The following GATA4 variants were observed in gnomAD, a reference collection of about 807,000 sequenced individuals.
GATA4 encodes the protein GATA binding protein 4.
Under a neutral mutation model 37.9 loss-of-function variants are expected in GATA4, and 7 were observed. That is an observed-to-expected ratio of 0.18 (90% CI 0.11 to 0.35). The LOEUF (loss-of-function observed/expected upper bound fraction) is 0.35. GATA4 is among the 10% of genes least tolerant of loss of function. The pLI is 1.00. For missense variants in GATA4, 647 were observed against 653.0 expected (o/e 0.99, Z 0.10); for synonymous variants, 372 against 292.6 (o/e 1.27, Z -2.77).
intron 2 of GATA4, among the ~76,000 whole-genome samples, chr8:11,734,718 G>T (rs980408271): frequency 4.6e-5 from 7 of 152,136 alleles, no homozygotes; most frequent in Non-Finnish European, 8.8e-5. Context: ...TCGAACTCTT[G>T]ACCTCAGGTG....
At chr8:11,702,261 C>G (rs1484399191), upstream of GATA4, among the ~76,000 whole-genome samples, 1 of 152,218 alleles carries the variant, frequency 6.6e-6, no homozygotes, top group Admixed American at 6.5e-5. This position sits in a 1 kb window ranked among gnomAD's most constrained non-coding sequence, Gnocchi z 4.4. Context: ...AGAAAATTCA[C>G]TGCCCGGTCC....
intron 2 of GATA4, among the ~76,000 whole-genome samples, chr8:11,729,112 A>T (rs1389315744): frequency 6.6e-6 from 1 of 152,124 alleles, no homozygotes; most frequent in East Asian, 1.9e-4. Context: ...AGGTGCCTAT[A>T]ATCCCAACTA....
At chr8:11,684,517 A>G (rs1430846631) in intron 1 of GATA4, among the ~76,000 whole-genome samples, 1 of 152,234 alleles carries the variant, frequency 6.6e-6, no homozygotes, top group African/African-American at 2.4e-5. Flanking sequence ...ATTTGTTTAG[A>G]TCCTAAATGT....
At chr8:11,752,210 A>G (rs1754328035) in intron 4 of GATA4, among the ~76,000 whole-genome samples, 1 of 152,220 alleles carries the variant, frequency 6.6e-6, no homozygotes, top group Non-Finnish European at 1.5e-5. Context: ...AGGTGCATTA[A>G]ACAGACATAC....
At chr8:11,688,057 G>A (rs1799196578), upstream of GATA4, among the ~76,000 whole-genome samples, 1 of 152,190 alleles carries the variant, frequency 6.6e-6, no homozygotes, top group Non-Finnish European at 1.5e-5. Flanking sequence ...CTGAGTAAAT[G>A]CTGACACCAG....
intron 1 of GATA4, among the ~76,000 whole-genome samples, chr8:11,697,091 G>A (rs1320999029): frequency 6.6e-6 from 1 of 152,306 alleles, no homozygotes; most frequent in African/African-American, 2.4e-5. Flanking sequence ...ACCTAGGTGC[G>A]GAGGGCTCCA....
At chr8:11,694,552 A>C in intron 1 of GATA4, 1 of 979,410 alleles carries the variant, frequency 1.0e-6, no homozygotes, top group African/African-American at 1.7e-5. Flanking sequence ...AAGCTCTCCC[A>C]GGGTGAGGGA....
chr8:11,729,591 A>G (rs1194261721), intron 2 of GATA4, among the ~76,000 whole-genome samples: 1 of 151,850 alleles, frequency 6.6e-6, no homozygotes, highest in Non-Finnish European at 1.5e-5. Context: ...CTTAGGTTGA[A>G]CACAGAAAGG....
chr8:11,723,050 G>T lies in GATA4; in HGVS notation c.616+14122G>T, dbSNP rs549554835. ...ATGAAATTGTTTTCAGCATGATTAA[G>T]AACTCATGGACTTCAGCTGAGTATA... On this transcript the variant is annotated intron_variant, in intron 2 of 6. Transcript: ENST00000532059. Among the ~76,000 whole-genome samples the T allele has an allele frequency of 5.5e-4, 83 of 152,084 alleles. 3 individuals are homozygous for T. The South Asian group carries it at 0.017, about 31-fold the overall frequency.
chr8:11,734,397 C>G (rs1801351917), intron 2 of GATA4, among the ~76,000 whole-genome samples: 3 of 152,214 alleles, frequency 2.0e-5, no homozygotes, highest in African/African-American at 4.8e-5. Flanking sequence ...AGATTGGTGT[C>G]TGGTGAGAGA....
upstream of GATA4, among the ~76,000 whole-genome samples, chr8:11,687,861 G>GC (rs1799189708): frequency 6.6e-6 from 1 of 152,136 alleles, no homozygotes; most frequent in Non-Finnish European, 1.5e-5. Flanking sequence ...ATCAAGCCCT[G>GC]CCCCCGTTTC....
At chr8:11,744,234 C>T (rs1801918505) in intron 2 of GATA4, among the ~76,000 whole-genome samples, 1 of 152,250 alleles carries the variant, frequency 6.6e-6, no homozygotes. Flanking sequence ...CCACTCCCTC[C>T]TGACCCCTCC....
At chr8:11,683,013 T>C (rs556368678) in intron 1 of GATA4, 1 of 963,154 alleles carries the variant, frequency 1.0e-6, no homozygotes, top group East Asian at 1.1e-4. Context: ...AGTCTTGAGG[T>C]GGAAACAGCC....
Position 11,707,003 on chromosome 8 carries a change from T to C in GATA4, c.-457-853T>C, listed in dbSNP as rs1799916159. On this transcript the variant is annotated intron_variant, in intron 1 of 6. Coordinates refer to ENST00000532059, the MANE Select transcript of GATA4 (RefSeq NM_001308093.3). The surrounding 1 kb of genome is among the most constrained non-coding windows in gnomAD (Gnocchi z 4.7). ...TATATAATCAAGTTCCACAAACTGC[T>C]CTTTCCCCAAGCACCCACCTTGGTG... 6.6e-6 allele frequency among the ~76,000 whole-genome samples: 1 copy of C among 152,170 alleles called. No individual in the cohort carries two copies. Among genetic ancestry groups the C allele is most frequent in the Non-Finnish European group, 1.5e-5 (1 of 68,032 alleles).
At chr8:11,688,524 G>GCATGCATGCGCGTGCGCGCATGCA (rs1554483823), upstream of GATA4, among the ~76,000 whole-genome samples, 2 of 149,530 alleles carry the variant, frequency 1.3e-5, no homozygotes, top group Admixed American at 6.6e-5. Context: ...GTGCGCGCAT[G>GCATGCATGCGCGTGCGCGCATGCA]CACACACACA....
chr8:11,714,448 A>G (rs1181948038), intron 2 of GATA4, among the ~76,000 whole-genome samples: 1 of 152,202 alleles, frequency 6.6e-6, no homozygotes, highest in East Asian at 1.9e-4. Flanking sequence ...GTGGCTTTCA[A>G]AGCCGGTTCA....
chr8:11,692,568 G>A (rs1799349134), upstream of GATA4: 4 of 985,414 alleles, frequency 4.1e-6, no homozygotes, highest in South Asian at 9.4e-5. Context: ...GGGCCGCGGC[G>A]GCTCCGCCTG....
chr8:11,734,260 A>C (rs979642628), intron 2 of GATA4, among the ~76,000 whole-genome samples: 14 of 152,340 alleles, frequency 9.2e-5, no homozygotes, highest in African/African-American at 3.4e-4. Flanking sequence ...AAACAATCTG[A>C]ATATATATCA....
intron 1 of GATA4, among the ~76,000 whole-genome samples, chr8:11,680,318 G>A (rs1415793069): frequency 1.3e-5 from 2 of 152,226 alleles, no homozygotes; most frequent in Non-Finnish European, 2.9e-5. Flanking sequence ...AGATCCCCGC[G>A]GACAGGCGCG....
Sources: allele counts gnomAD v4.1 joint callset (sites outside exome capture counted in the v4.1 genomes callset), GRCh38; gene constraint gnomAD v4.1.1; non-coding constraint Gnocchi (gnomAD v3.1); transcripts MANE v1.5; gene names NCBI Gene and HGNC (gene_info 2026-07-23, HGNC 2026-07-21).